Variants in CADPS observed in about 807,000 individuals in gnomAD.
The protein encoded by CADPS is calcium dependent secretion activator, also known as calcium-dependent secretion activator 1.
Under a neutral mutation model 167.3 loss-of-function variants are expected in CADPS, and 57 were observed. The observed-to-expected ratio is 0.34, with a 90% CI of 0.28 to 0.42. The LOEUF (loss-of-function observed/expected upper bound fraction) is 0.42, where lower values mean the gene tolerates loss of function less well. Among genes scored for constraint, CADPS ranks in the 20% least tolerant of loss-of-function variants. The pLI is 1.00. For synonymous variants in CADPS, 676 were observed against 635.3 expected, an observed-to-expected ratio of 1.06 and a Z score of -0.96; for missense variants, 1,414 against 1,738.1, an observed-to-expected ratio of 0.81 and a Z score of 3.32.
chr3:62,541,465 A>T (rs762940665), intron 11 of CADPS, among the ~76,000 whole-genome samples: 2 of 152,182 alleles, frequency 1.3e-5, no homozygotes, highest in Non-Finnish European at 2.9e-5. Flanking sequence ...TACTGACATT[A>T]AGAAATTTCA....
intron 3 of CADPS, among the ~76,000 whole-genome samples, chr3:62,701,147 T>C (rs1281684253): frequency 6.6e-6 from 1 of 152,008 alleles, no homozygotes; most frequent in Non-Finnish European, 1.5e-5. Flanking sequence ...TTTCAACATA[T>C]GAATTTGGGG....
intron 1 of CADPS, among the ~76,000 whole-genome samples, chr3:62,841,893 T>C (rs1190007096): frequency 6.6e-6 from 1 of 152,160 alleles, no homozygotes; most frequent in East Asian, 1.9e-4. Context: ...AAAATGAGGG[T>C]TAAAAAGAAG....
At chr3:62,630,457 T>C (rs2065066309) in intron 6 of CADPS, among the ~76,000 whole-genome samples, 1 of 152,164 alleles carries the variant, frequency 6.6e-6, no homozygotes, top group African/African-American at 2.4e-5. Context: ...TCTTGCATTC[T>C]TGTGCCTTAG....
At chr3:62,766,940 G>C (rs988698297) in intron 1 of CADPS, among the ~76,000 whole-genome samples, 2 of 152,024 alleles carry the variant, frequency 1.3e-5, no homozygotes, top group African/African-American at 4.8e-5. Flanking sequence ...CTTATTCATC[G>C]AAGTTTTCCC....
intron 6 of CADPS, 25 bp downstream of exon 6, chr3:62,645,697 T>G (rs549811845): frequency 1.2e-6 from 2 of 1,612,842 alleles, no homozygotes; most frequent in East Asian, 2.2e-5. Flanking sequence ...CTCTATAAGA[T>G]GGACCCTGGA....
chr3:62,468,469 T>A (rs568141691), intron 24 of CADPS, among the ~76,000 whole-genome samples: 1 of 152,280 alleles, frequency 6.6e-6, no homozygotes, highest in Non-Finnish European at 1.5e-5. Context: ...ACTAGAGTAA[T>A]TGTTCTCCAC....
At chr3:62,773,286 C>G (rs970360915) in intron 1 of CADPS, among the ~76,000 whole-genome samples, 6 of 152,014 alleles carry the variant, frequency 3.9e-5, no homozygotes, top group African/African-American at 1.4e-4. Flanking sequence ...CAAATATTTA[C>G]TTATTTACAT....
chr3:62,721,201 G>A (rs1406737923), intron 3 of CADPS, among the ~76,000 whole-genome samples: 1 of 151,154 alleles, frequency 6.6e-6, no homozygotes, highest in Non-Finnish European at 1.5e-5. Flanking sequence ...AGGAAAGAAG[G>A]CATAAAGTGC....
chr3:62,624,375 T>C (rs74365795), intron 6 of CADPS, among the ~76,000 whole-genome samples: 3,682 of 152,174 alleles, frequency 0.024, 49 homozygotes, highest in South Asian at 0.038. Context: ...CAGCTGTTGG[T>C]GAGTTGCATC....
chr3:62,775,033 TTTTTG>T (rs1203007459), intron 1 of CADPS, among the ~76,000 whole-genome samples: 1 of 151,920 alleles, frequency 6.6e-6, no homozygotes, highest in Admixed American at 6.6e-5. Context: ...TTTTTTTTAA[TTTTTG>T]TTTTGTTTTG....
At chr3:62,543,280 C>T (rs1465063980) in intron 11 of CADPS, among the ~76,000 whole-genome samples, 6 of 151,854 alleles carry the variant, frequency 4.0e-5, no homozygotes, top group Admixed American at 2.6e-4. Context: ...TGCAAGTTGA[C>T]AATATAAGAA....
At chr3:62,710,549 T>C (rs2083202518) in intron 3 of CADPS, among the ~76,000 whole-genome samples, 1 of 152,158 alleles carries the variant, frequency 6.6e-6, no homozygotes, top group South Asian at 2.1e-4. Context: ...TCAAGATGTG[T>C]AATATGTTCA....
chr3:62,545,181 A>C (rs2076262335), intron 11 of CADPS, among the ~76,000 whole-genome samples: 1 of 152,124 alleles, frequency 6.6e-6, no homozygotes, highest in African/African-American at 2.4e-5. Context: ...GACTCATTGC[A>C]AGTGATATAT....
chr3:62,871,542 G>A (rs1466680893), intron 1 of CADPS, among the ~76,000 whole-genome samples: 1 of 152,040 alleles, frequency 6.6e-6, no homozygotes, highest in Non-Finnish European at 1.5e-5. Flanking sequence ...AAAAAGATAG[G>A]ATTTGGAATC....
In CADPS at chr3:62,492,572, T is replaced by C. The variant is rs75431655; in HGVS notation, c.2728-126A>G. ...CATCCAGCAGGGTTTGGTAATTTTA[T>C]TGTAAAGAGAACAGAATTTTTGATA... On this transcript the variant is annotated intron_variant, in intron 19 of 29. Coordinates refer to ENST00000383710, the MANE Select transcript of CADPS (RefSeq NM_003716.4). 0.011 allele frequency: 10,218 copies of C among 941,270 alleles called. 67 individuals carry two copies. Among genetic ancestry groups the C allele is most frequent in the Non-Finnish European group, 0.013 (7,634 of 609,060 alleles). The allele number at this position is 941,270 out of a possible 1,614,324, so 58.3% of individuals were successfully genotyped here.
intron 18 of CADPS, among the ~76,000 whole-genome samples, chr3:62,494,073 G>A (rs1471543123): frequency 2.2e-4 from 33 of 152,190 alleles, no homozygotes; most frequent in Non-Finnish European, 5.9e-5. Flanking sequence ...CCTCTAACTT[G>A]TAAGAAGAGT....
intron 8 of CADPS, among the ~76,000 whole-genome samples, chr3:62,578,693 A>G (rs965948231): frequency 6.6e-6 from 1 of 152,136 alleles, no homozygotes; most frequent in African/African-American, 2.4e-5. Flanking sequence ...ATGAAGCAAA[A>G]CCAGACAGAA....
rs1217323165 is a variant in CADPS, at chr3:62,550,222, AG to A, written c.1754-108del. 5.1e-6 allele frequency: 4 copies of A among 791,722 alleles called. No homozygotes were observed. In the African/African-American group the frequency reaches 6.8e-5, roughly 13 times the overall value. The allele number at this position is 791,722 out of a possible 1,614,324, so 49.0% of individuals were successfully genotyped here. A position where few individuals can be genotyped will look rare whatever the true frequency, so the allele number is the denominator to read the frequency against. On this transcript the variant is annotated intron_variant, in intron 10 of 29. Coordinates refer to ENST00000383710, the MANE Select transcript of CADPS (RefSeq NM_003716.4). ...CTGCTGCTTTTCCTTGGGACAGAAG[AG>A]GGGGGTAGTGATTAACTTAGGATGG...
intron 18 of CADPS, among the ~76,000 whole-genome samples, chr3:62,497,225 C>T (rs1011764218): frequency 2.6e-5 from 4 of 152,098 alleles, no homozygotes; most frequent in Admixed American, 6.6e-5. Flanking sequence ...TTTCTTAGCC[C>T]GTAGCAGCCT....
Sources: gnomAD v4.1 joint callset for allele counts (sites outside exome capture counted in the v4.1 genomes callset) on GRCh38, gnomAD v4.1.1 for gene constraint, MANE v1.5 for transcripts, NCBI Gene and HGNC (gene_info 2026-07-23, HGNC 2026-07-21) for gene names.